Variants in MRPL20 observed in about 807,000 individuals in gnomAD.
MRPL20 encodes the protein mitochondrial ribosomal protein L20.
MRPL20 carries 21 observed loss-of-function variants against 20.0 expected under a neutral mutation model. That is an observed-to-expected ratio of 1.05 (90% CI 0.74 to 1.51). MRPL20 has a LOEUF of 1.51. MRPL20 is among the 40% of genes most tolerant of loss of function. The pLI is 0.00. For missense variants in MRPL20, 252 were observed against 185.6 expected, an observed-to-expected ratio of 1.36 and a Z score of -2.08; for synonymous variants, 104 against 73.0, an observed-to-expected ratio of 1.43 and a Z score of -2.17.
intron 3 of MRPL20, among the ~76,000 whole-genome samples, chr1:1,404,619 G>C (rs1281669039): frequency 1.3e-5 from 2 of 150,896 alleles, no homozygotes; most frequent in Non-Finnish European, 2.9e-5. Context: ...TCCAGCCTCA[G>C]CCTCCTGAGT....
At chr1:1,405,702 GC>G (rs913583163) in intron 3 of MRPL20, 106 bp downstream of exon 3, 1 of 1,584,224 alleles carries the variant, frequency 6.3e-7, no homozygotes, top group Non-Finnish European at 8.7e-7. Context: ...GGATCCTCTG[GC>G]CTCAGCCTCC....
intron 3 of MRPL20, chr1:1,402,648 G>T (rs911340220): frequency 1.3e-5 from 13 of 993,210 alleles, no homozygotes; most frequent in Non-Finnish European, 1.2e-5. Flanking sequence ...CAATGCCAGA[G>T]TTTAAGGAGT....
chr1:1,405,710 C>T (rs1645376682), intron 3 of MRPL20, 99 bp downstream of exon 3: 1 of 1,599,516 alleles, frequency 6.3e-7, no homozygotes, highest in South Asian at 1.1e-5. Flanking sequence ...TGGCCTCAGC[C>T]TCCTGATTAG....
chr1:1,407,286 T>G lies in MRPL20; in HGVS notation c.-69A>C. ...CAGCGCCGCTGCCATCTTGCCCGGG[T>G]CGGAAATGGTGGTCACGAGCGCTTC... is the stretch of plus-strand genomic sequence containing the variant. On this transcript the variant is annotated 5_prime_UTR_variant, in exon 1 of 4. Coordinates refer to ENST00000344843, the MANE Select transcript of MRPL20 (RefSeq NM_017971.4). 3.1e-5 allele frequency: 42 copies of G among 1,366,620 alleles called. No individual in the cohort carries two copies. Among genetic ancestry groups the G allele is most frequent in the Non-Finnish European group, 4.1e-5 (40 of 986,828 alleles). 84.7% of individuals were successfully genotyped at this position (1,366,620 alleles called of 1,614,324 possible). A position where few individuals can be genotyped will look rare whatever the true frequency, so the allele number is the denominator to read the frequency against.
intron 3 of MRPL20, chr1:1,402,481 G>T: frequency 2.3e-6 from 3 of 1,302,108 alleles, no homozygotes; most frequent in Non-Finnish European, 2.9e-6. Context: ...CTGCAGGGAG[G>T]CTGGACTCCA....
At chr1:1,403,273 T>C (rs918546107) in intron 3 of MRPL20, among the ~76,000 whole-genome samples, 1 of 151,996 alleles carries the variant, frequency 6.6e-6, no homozygotes, top group Non-Finnish European at 1.5e-5. Context: ...AAACAGAGTC[T>C]CACTGTGTCG....
Position 1,402,259 on chromosome 1 carries a change from GA to G in MRPL20, c.277-4del. On this transcript the variant is annotated splice_polypyrimidine_tract_variant and splice_region_variant and intron_variant, in intron 3 of 3. Coordinates refer to ENST00000344843, the MANE Select transcript of MRPL20 (RefSeq NM_017971.4). ...TTCCTGTTGAGCTCCACCTGGCACT[GA>G]AAAAAGAATGAATCAGAACCTGCTG... The G allele has an allele frequency of 6.2e-7, 1 of 1,602,516 alleles. No individual in the cohort carries two copies. The highest frequency in any genetic ancestry group is 1.7e-5 in the Admixed American group (1 of 57,378).
rs770666457 is a variant in MRPL20 at position 1,406,945 on chromosome 1, G to C, written c.162C>G (p.Thr54=). ...TCTTTTTCTTCAGGTATCGGGCTTTGGTGCATTTCACAAAGGCTCGAATCA... is the reference window on the plus strand; with the variant it reads ...TCTTTTTCTTCAGGTATCGGGCTTTCGTGCATTTCACAAAGGCTCGAATCA... ...RTVIRAFVKC[T]KARYLKKKNM... is the part of the protein sequence containing the mutation. The change falls in exon 2 of 4, where the codon ACC becomes ACG. Residue 54 remains threonine, a synonymous_variant. Transcript: ENST00000344843. 3 of 1,613,758 alleles carry C rather than the reference G, an allele frequency of 1.9e-6. No individual in the cohort carries two copies. Among genetic ancestry groups the C allele is most frequent in the Non-Finnish European group, 2.5e-6 (3 of 1,179,732 alleles).
chr1:1,402,790 C>A (rs1645345651), intron 3 of MRPL20, among the ~76,000 whole-genome samples: 1 of 152,080 alleles, frequency 6.6e-6, no homozygotes. Flanking sequence ...CGAGACTAGT[C>A]TGACCAACAT....
chr1:1,402,491 A>C, intron 3 of MRPL20: 1 of 1,277,994 alleles, frequency 7.8e-7, no homozygotes, highest in African/African-American at 1.5e-5. Flanking sequence ...GCTGGACTCC[A>C]GTCCTGATGT....
rs773106869 is a variant in MRPL20, at chr1:1,406,935, A to G, written c.172T>C (p.Tyr58His). ...RAFVKCTKAR[Y>H]LKKKNMRTLW... is the part of the protein sequence containing the mutation. The stretch of plus-strand genomic sequence containing the variant: ...GTCCTCATGTTCTTTTTCTTCAGGT[A>G]TCGGGCTTTGGTGCATTTCACAAAG... Residue 58 changes from tyrosine to histidine, a missense_variant, in exon 2 of 4, where the codon TAC (tyrosine) becomes CAC (histidine). Physicochemically the swap from Tyr to His is moderately conservative, Grantham distance 83. Coordinates refer to ENST00000344843, the MANE Select transcript of MRPL20 (RefSeq NM_017971.4). The G allele has an allele frequency of 3.1e-6, 5 of 1,613,610 alleles. No individual in the cohort carries two copies. Among genetic ancestry groups the G allele is most frequent in the Middle Eastern group, 1.6e-4 (1 of 6,062 alleles).
In MRPL20 at chr1:1,405,469, TCTCA is replaced by T. The variant is rs556629351; in HGVS notation, c.276+336_276+339del. The T allele has an allele frequency of 8.9e-4, 532 of 598,700 alleles. 2 individuals carry two copies. The African/African-American group carries it at 8.9e-3, about 10-fold the overall frequency. The allele number at this position is 598,700 out of a possible 1,614,324, so 37.1% of individuals were successfully genotyped here. ...AATTTTATTTTTTTGTAGAGAGTGG[TCTCA>T]CTATGTTGCCCAGGCTGTTGCTGGC... On this transcript the variant is annotated intron_variant, in intron 3 of 3. Transcript: ENST00000344843.
rs571000104 is a variant in MRPL20, at chr1:1,406,773, T to C, written c.198+136A>G. On this transcript the variant is annotated intron_variant, in intron 2 of 3. Transcript: ENST00000344843. ...CAGTTTGCCTGCGGGGCGACATAATTTGTCGGAGTTTCGAAGCAAGGTATG... is the reference window on the plus strand; with the variant it reads ...CAGTTTGCCTGCGGGGCGACATAATCTGTCGGAGTTTCGAAGCAAGGTATG... 1.8e-4 allele frequency: 137 copies of C among 756,374 alleles called. No individual in the cohort carries two copies. The African/African-American group carries it at 2.2e-3, about 12-fold the overall frequency. The allele number at this position is 756,374 out of a possible 1,614,324, so 46.9% of individuals were successfully genotyped here.
intron 3 of MRPL20, among the ~76,000 whole-genome samples, chr1:1,404,044 GCC>G (rs1378187507): frequency 6.6e-6 from 1 of 151,374 alleles, no homozygotes; most frequent in African/African-American, 2.4e-5. Flanking sequence ...TTACCACATT[GCC>G]CAGGCTGCTG....
Position 1,402,093 on chromosome 1 carries a change from T to G in MRPL20, c.440A>C (p.Gln147Pro). 5 of 1,613,814 alleles carry G rather than the reference T, an allele frequency of 3.1e-6. No homozygotes were observed. The highest frequency in any genetic ancestry group is 4.2e-6 in the Non-Finnish European group (5 of 1,179,836). Residue 147 changes from glutamine (Q) to proline (P), a missense_variant, in exon 4 of 4, where the codon CAG (glutamine) becomes CCG (proline). Coordinates refer to ENST00000344843, the MANE Select transcript of MRPL20 (RefSeq NM_017971.4). ...EPEGIFSRVVQYH is the reference protein window; with the variant it reads ...EPEGIFSRVVPYH The stretch of plus-strand genomic sequence containing the variant: ...ATACAGCAACAGTCCTCAGTGGTAC[T>G]GCACCACTCTGGAAAAAATGCCTTC...
chr1:1,406,635 G>C (rs1645386838), intron 2 of MRPL20: 6 of 495,170 alleles, frequency 1.2e-5, no homozygotes, highest in South Asian at 2.1e-5. Context: ...CGACTAGGGC[G>C]GTGGCTGGCG....
chr1:1,406,296 G>A (rs2100398847), intron 2 of MRPL20: 1 of 197,672 alleles, frequency 5.1e-6, no homozygotes. Context: ...GTTGCATTAA[G>A]CCTAGATCGC....
chr1:1,402,343 C>T (rs1266361020), intron 3 of MRPL20, 87 bp from the exon 4 acceptor site: 12 of 1,490,928 alleles, frequency 8.0e-6, no homozygotes, highest in African/African-American at 2.8e-5. Flanking sequence ...CAGGAAGAAC[C>T]CAGCTGCACA....
At chr1:1,402,585 A>G in intron 3 of MRPL20, 1 of 1,063,174 alleles carries the variant, frequency 9.4e-7, no homozygotes, top group Non-Finnish European at 1.1e-6. Flanking sequence ...TAACCCTTTA[A>G]GCCAACCTGG....
Sources: gnomAD v4.1 joint callset for allele counts (sites outside exome capture counted in the v4.1 genomes callset) on GRCh38, gnomAD v4.1.1 for gene constraint, MANE v1.5 for transcripts, NCBI Gene and HGNC (gene_info 2026-07-23, HGNC 2026-07-21) for gene names.